CD96: variants seen among roughly 807,000 people sequenced by gnomAD.
CD96 encodes the protein T-cell surface protein tactile.
CD96 carries 70 observed loss-of-function variants against 71.3 expected under a neutral mutation model. That is an observed-to-expected ratio of 0.98 (90% confidence interval 0.81 to 1.20). CD96 has a LOEUF of 1.20. Ranked by LOEUF, CD96 falls within the 50% of genes most tolerant of loss-of-function variation. The probability of loss-of-function intolerance (pLI) is 0.00; values close to 1 mark genes in which losing one functional copy is unlikely to be tolerated. For synonymous variants in CD96, 248 were observed against 233.0 expected (o/e 1.06, Z -0.59); for missense variants, 742 against 677.5 (o/e 1.10, Z -1.06).
intron 5 of CD96, chr3:111,594,422 G>C (rs1937158458): frequency 2.0e-6 from 1 of 497,676 alleles, no homozygotes. Context: ...CAGCCCAAGA[G>C]TGCATTCCTT....
chr3:111,565,689 A>C (rs2107542122), intron 2 of CD96, among the ~76,000 whole-genome samples: 2 of 152,098 alleles, frequency 1.3e-5, no homozygotes, highest in East Asian at 3.9e-4. Context: ...TTTCTCCTTA[A>C]GGGACAGGGG....
chr3:111,555,129 C>T (rs1184953904), intron 2 of CD96, among the ~76,000 whole-genome samples: 1 of 149,790 alleles, frequency 6.7e-6, no homozygotes, highest in African/African-American at 2.5e-5. Context: ...GGCCCCATTC[C>T]TTAACAGGCC....
At chr3:111,609,783 C>T (rs1371840672) in intron 8 of CD96, among the ~76,000 whole-genome samples, 1 of 152,146 alleles carries the variant, frequency 6.6e-6, no homozygotes, top group Non-Finnish European at 1.5e-5. Flanking sequence ...AAAAGACCTC[C>T]GTAAAACAAG....
chr3:111,594,132 C>G (rs914177954), intron 5 of CD96: 3 of 1,613,948 alleles, frequency 1.9e-6, no homozygotes, highest in Non-Finnish European at 2.5e-6. Context: ...TCTTCCTCCT[C>G]CTTCATCTCT....
chr3:111,638,972 A>G (rs1329536144), intron 12 of CD96, among the ~76,000 whole-genome samples: 1 of 152,206 alleles, frequency 6.6e-6, no homozygotes, highest in Non-Finnish European at 1.5e-5. Context: ...TGGTTGGAAA[A>G]AAAAATATAG....
intron 6 of CD96, among the ~76,000 whole-genome samples, chr3:111,599,546 C>G (rs148701720): frequency 0.011 from 1,645 of 151,844 alleles, 34 homozygotes; most frequent in African/African-American, 0.036. Flanking sequence ...ATGGTAAAAC[C>G]CCGTCTCTAC....
At chr3:111,653,165 A>G (rs1472604348), downstream of CD96, among the ~76,000 whole-genome samples, 1 of 152,196 alleles carries the variant, frequency 6.6e-6, no homozygotes, top group Non-Finnish European at 1.5e-5. Flanking sequence ...CTTTTCTACC[A>G]TCACCATGAG....
chr3:111,618,341 A>G (rs1938349027), intron 8 of CD96, among the ~76,000 whole-genome samples: 1 of 152,224 alleles, frequency 6.6e-6, no homozygotes, highest in Non-Finnish European at 1.5e-5. Flanking sequence ...TCACCTCTGT[A>G]GTAGTTTCCT....
intron 11 of CD96, 126 bp downstream of exon 11, chr3:111,637,387 T>C: frequency 1.4e-6 from 1 of 710,438 alleles, no homozygotes; most frequent in Admixed American, 2.0e-5. Flanking sequence ...ATCTTGATGA[T>C]GAAAATTACA....
At chr3:111,624,842 A>C (rs1576405298) in intron 10 of CD96, among the ~76,000 whole-genome samples, 1 of 152,250 alleles carries the variant, frequency 6.6e-6, no homozygotes, top group Non-Finnish European at 1.5e-5. Context: ...AAAGAGAGAG[A>C]CCAACGTGAG....
chr3:111,570,179 G>A (rs1158804098), intron 3 of CD96, among the ~76,000 whole-genome samples: 2 of 152,332 alleles, frequency 1.3e-5, no homozygotes, highest in African/African-American at 2.4e-5. Flanking sequence ...GTGGGGAGGG[G>A]GTAAGTGGGA....
At chr3:111,627,005 A>T (rs1938801980) in intron 10 of CD96, among the ~76,000 whole-genome samples, 1 of 152,232 alleles carries the variant, frequency 6.6e-6, no homozygotes, top group African/African-American at 2.4e-5. Flanking sequence ...GGGAGAAAAC[A>T]TGTATAAATC....
At chr3:111,567,968 G>T (rs1436375046) in intron 3 of CD96, among the ~76,000 whole-genome samples, 1 of 152,206 alleles carries the variant, frequency 6.6e-6, no homozygotes, top group African/African-American at 2.4e-5. Context: ...TTCAGCAGAA[G>T]CCCCTACTCA....
chr3:111,636,907 G>A (rs1939357024), intron 10 of CD96, among the ~76,000 whole-genome samples: 1 of 151,890 alleles, frequency 6.6e-6, no homozygotes, highest in Non-Finnish European at 1.5e-5. Flanking sequence ...GAATGAGCAT[G>A]ACACACTCTG....
chr3:111,613,922 G>A (rs569475812), intron 8 of CD96, among the ~76,000 whole-genome samples: 4 of 152,278 alleles, frequency 2.6e-5, no homozygotes, highest in South Asian at 2.1e-4. Context: ...AAGCTAAACC[G>A]GTAGGTTAGC....
At chr3:111,655,924 T>C (rs1940217057), downstream of CD96, among the ~76,000 whole-genome samples, 5 of 151,390 alleles carry the variant, frequency 3.3e-5, no homozygotes, top group South Asian at 1.0e-3. Flanking sequence ...TATATACATA[T>C]ACTATTCTCT....
rs377183280 is a variant in CD96, at chr3:111,545,409, A to G, written c.418+7A>G. ...CTTCTCATTCAGACACACGGTAAGC[A>G]TAACTGGTAGAGGGATGTGCTTTCA... On this transcript the variant is annotated splice_region_variant and intron_variant, in intron 2 of 13. Coordinates refer to ENST00000352690, the MANE Select transcript of CD96 (RefSeq NM_005816.5). 4.7e-5 allele frequency: 71 copies of G among 1,501,394 alleles called. No homozygotes were observed. The highest frequency in any genetic ancestry group is 6.4e-5 in the Non-Finnish European group (69 of 1,077,514). 93.0% of individuals were successfully genotyped at this position (1,501,394 alleles called of 1,614,324 possible).
intron 3 of CD96, chr3:111,570,746 C>G (rs769159163): frequency 1.9e-6 from 3 of 1,613,236 alleles, no homozygotes; most frequent in Non-Finnish European, 2.5e-6. Flanking sequence ...GATACTCTTC[C>G]TCCTCCTCCC....
downstream of CD96, among the ~76,000 whole-genome samples, chr3:111,653,135 A>G (rs546736621): frequency 1.3e-5 from 2 of 152,150 alleles, no homozygotes; most frequent in Non-Finnish European, 2.9e-5. Flanking sequence ...AAGTACTTCT[A>G]TGATTGGATT....
Sources: allele counts gnomAD v4.1 joint callset (sites outside exome capture counted in the v4.1 genomes callset), GRCh38; gene constraint gnomAD v4.1.1; transcripts MANE v1.5; gene names NCBI Gene and HGNC (gene_info 2026-07-23, HGNC 2026-07-21).